Variants in WDR72 observed in about 807,000 individuals in gnomAD.
The protein encoded by WDR72 is WD repeat domain 72.
In WDR72, 120 loss-of-function variants were observed where a neutral mutation model predicts 124.2. The observed-to-expected ratio is 0.97, with a 90% CI of 0.83 to 1.12. The LOEUF (loss-of-function observed/expected upper bound fraction) is 1.12. Ranked by LOEUF, WDR72 falls within the 50% of genes most tolerant of loss-of-function variation. The pLI is 0.00. For missense variants in WDR72, 1,387 were observed against 1,278.8 expected (o/e 1.08, Z -1.29); for synonymous variants, 452 against 441.7 (o/e 1.02, Z -0.29).
At chr15:53,742,107 A>C (rs1453409547) in intron 1 of WDR72, among the ~76,000 whole-genome samples, 2 of 152,196 alleles carry the variant, frequency 1.3e-5, no homozygotes, top group African/African-American at 4.8e-5. Context: ...GAGGAGAAAG[A>C]ACTGATTAAA....
chr15:53,593,588 C>T (rs1414692731), intron 18 of WDR72, among the ~76,000 whole-genome samples: 2 of 151,540 alleles, frequency 1.3e-5, no homozygotes, highest in Admixed American at 1.3e-4. Flanking sequence ...ATGGTGAAAC[C>T]CCATCTCTAC....
chr15:53,721,502 G>C (rs2017875518), intron 3 of WDR72, among the ~76,000 whole-genome samples: 1 of 152,090 alleles, frequency 6.6e-6, no homozygotes, highest in Admixed American at 6.5e-5. Flanking sequence ...ACAAGCAAAG[G>C]TTAAAAAAGG....
intron 9 of WDR72, among the ~76,000 whole-genome samples, 188 bp from the exon 10 acceptor site, chr15:53,706,262 A>C (rs2017352550): frequency 6.6e-6 from 1 of 151,332 alleles, no homozygotes; most frequent in South Asian, 2.1e-4. Flanking sequence ...TTTATAAAAC[A>C]AGAAGCAAAG....
At chr15:53,654,874 T>C (rs989035705) in intron 14 of WDR72, among the ~76,000 whole-genome samples, 4 of 152,140 alleles carry the variant, frequency 2.6e-5, no homozygotes, top group African/African-American at 9.7e-5. Flanking sequence ...AAAATATGCC[T>C]CAAGATATTT....
chr15:53,726,264 G>GTGTGTATATATATATATATATATATA (rs1555428779), intron 2 of WDR72, among the ~76,000 whole-genome samples: 4 of 110,354 alleles, frequency 3.6e-5, no homozygotes, highest in African/African-American at 1.8e-4. Flanking sequence ...ATGTATGTGT[G>GTGTGTATATATATATATATATATATA]TATATATATA....
At chr15:53,581,634 T>G (rs1324903152) in intron 18 of WDR72, among the ~76,000 whole-genome samples, 1 of 152,068 alleles carries the variant, frequency 6.6e-6, no homozygotes, top group Non-Finnish European at 1.5e-5. Context: ...TTTCAATTAT[T>G]GCTGTGTAGA....
chr15:53,596,940 G>A, intron 18 of WDR72, 139 bp downstream of exon 18: 2 of 827,528 alleles, frequency 2.4e-6, no homozygotes, highest in Non-Finnish European at 4.0e-6. Context: ...CCCATCATAA[G>A]TCAAGGAGAC....
intron 14 of WDR72, among the ~76,000 whole-genome samples, chr15:53,640,229 C>G (rs1020882238): frequency 6.6e-6 from 1 of 152,108 alleles, no homozygotes; most frequent in Non-Finnish European, 1.5e-5. Context: ...AAATAAATGT[C>G]TTACAACACT....
chr15:53,608,069 C>T, intron 17 of WDR72, among the ~76,000 whole-genome samples: 1 of 152,086 alleles, frequency 6.6e-6, no homozygotes. Context: ...TAAATGAGTA[C>T]AACCACTATG....
intron 14 of WDR72, among the ~76,000 whole-genome samples, chr15:53,630,067 T>G (rs1409923596): frequency 7.5e-6 from 1 of 133,566 alleles, no homozygotes; most frequent in Non-Finnish European, 1.5e-5. Context: ...TAAAAAGATC[T>G]CAGAGAAATA....
rs1334043166 is a variant in WDR72, at chr15:53,513,905, C to T, written c.*3794G>A. On this transcript the variant is annotated 3_prime_UTR_variant, in exon 20 of 20. Coordinates refer to ENST00000360509, the MANE Select transcript of WDR72 (RefSeq NM_182758.4). The stretch of plus-strand genomic sequence containing the variant: ...AGGCCTCCCATTAGACACATGCTGT[C>T]TTCCAGGGGTCCCAAATTGGATGGG... 1 of 152,154 alleles carries T rather than the reference C, an allele frequency of 6.6e-6. No homozygotes were observed. The highest frequency in any genetic ancestry group is 1.5e-5 in the Non-Finnish European group (1 of 68,036). The allele number at this position is 152,154 out of a possible 1,614,324, so 9.4% of individuals were successfully genotyped here.
chr15:53,613,454 C>T (rs973743608), intron 16 of WDR72, among the ~76,000 whole-genome samples: 1 of 151,972 alleles, frequency 6.6e-6, no homozygotes, highest in African/African-American at 2.4e-5. Context: ...ATAAATGTCA[C>T]CCACCTTATT....
chr15:53,523,348 G>GAGAGAC, intron 18 of WDR72, 26 bp from the exon 19 acceptor site: 3 of 1,605,268 alleles, frequency 1.9e-6, no homozygotes, highest in Non-Finnish European at 2.6e-6. Flanking sequence ...GAGAGAGAGA[G>GAGAGAC]AGAGACAGAA....
At chr15:53,628,421 C>G (rs1278249028) in intron 14 of WDR72, among the ~76,000 whole-genome samples, 1 of 151,968 alleles carries the variant, frequency 6.6e-6, no homozygotes, top group Non-Finnish European at 1.5e-5. Context: ...AAAGTTGACA[C>G]CCATGTATTG....
intron 18 of WDR72, among the ~76,000 whole-genome samples, chr15:53,556,552 C>T (rs1893939843): frequency 6.6e-6 from 1 of 152,122 alleles, no homozygotes; most frequent in South Asian, 2.1e-4. Flanking sequence ...GTGAAGAAGG[C>T]TGACTTGGCA....
At chr15:53,726,214 GTA>G (rs1448656046) in intron 2 of WDR72, among the ~76,000 whole-genome samples, 18 of 124,188 alleles carry the variant, frequency 1.4e-4, no homozygotes, top group African/African-American at 7.1e-4. Context: ...ATATATATAT[GTA>G]TGTGTATATA....
At chr15:53,564,350 A>G (rs1894225010) in intron 18 of WDR72, among the ~76,000 whole-genome samples, 1 of 151,912 alleles carries the variant, frequency 6.6e-6, no homozygotes, top group African/African-American at 2.4e-5. Flanking sequence ...AAACAATTTT[A>G]AATTTGCTAA....
upstream of WDR72, chr15:53,762,711 C>A (rs374790743): frequency 1.3e-5 from 2 of 152,154 alleles, no homozygotes; most frequent in Non-Finnish European, 2.9e-5. Context: ...AGGTCTAGAC[C>A]TAGTTGCTCT....
intron 14 of WDR72, among the ~76,000 whole-genome samples, chr15:53,656,262 CA>C (rs1299723932): frequency 3.3e-5 from 5 of 151,456 alleles, no homozygotes; most frequent in Non-Finnish European, 5.9e-5. Context: ...AAAAAAATTA[CA>C]AATAAATAAA....
Sources: allele counts gnomAD v4.1 joint callset (sites outside exome capture counted in the v4.1 genomes callset), GRCh38; gene constraint gnomAD v4.1.1; transcripts MANE v1.5; gene names NCBI Gene and HGNC (gene_info 2026-07-23, HGNC 2026-07-21).